The following MGMT variants were observed in gnomAD, a reference collection of about 807,000 sequenced individuals.
The protein encoded by MGMT is O-6-methylguanine-DNA methyltransferase, also known as methylated-DNA--protein-cysteine methyltransferase.
A neutral mutation model predicts 15.9 loss-of-function variants in MGMT; 14 were observed. That is an observed-to-expected ratio of 0.88 (90% CI 0.58 to 1.37). The LOEUF (loss-of-function observed/expected upper bound fraction) is 1.37. MGMT is among the 40% of genes most tolerant of loss of function. The pLI is 0.00. For missense variants in MGMT, 282 were observed against 268.1 expected, an observed-to-expected ratio of 1.05 and a Z score of -0.36; for synonymous variants, 130 against 118.2, an observed-to-expected ratio of 1.10 and a Z score of -0.65.
At chr10:129,569,177 C>T (rs576083770) in intron 2 of MGMT, among the ~76,000 whole-genome samples, 2 of 152,288 alleles carry the variant, frequency 1.3e-5, no homozygotes, top group South Asian at 2.1e-4. Context: ...TCTGCTAATG[C>T]GGCACTCTCA....
In MGMT at chr10:129,738,088, C is replaced by T. The variant is rs181805535; in HGVS notation, c.275-21114C>T. ...GAGCTGTGGTGGGCTCCACCCAGTTCGAGCTTCCCGGCTGCGTTGTTAACC... is the reference window on the plus strand; with the variant it reads ...GAGCTGTGGTGGGCTCCACCCAGTTTGAGCTTCCCGGCTGCGTTGTTAACC... On this transcript the variant is annotated intron_variant, in intron 3 of 4. Coordinates refer to ENST00000651593, the MANE Select transcript of MGMT (RefSeq NM_002412.5). Among the ~76,000 whole-genome samples, 160 of 152,362 alleles carry T rather than the reference C, an allele frequency of 1.1e-3. 1 individual carries two copies. The highest frequency in any genetic ancestry group is 3.7e-3 in the African/African-American group (153 of 41,594).
At chr10:129,697,332 G>A (rs78291713) in intron 2 of MGMT, among the ~76,000 whole-genome samples, 1 of 152,314 alleles carries the variant, frequency 6.6e-6, no homozygotes, top group African/African-American at 2.4e-5. Flanking sequence ...GTCATGATGA[G>A]GAGTGACCAC....
At chr10:129,481,940 GCTTA>G (rs1845362736) in intron 1 of MGMT, among the ~76,000 whole-genome samples, 2 of 151,990 alleles carry the variant, frequency 1.3e-5, no homozygotes, top group African/African-American at 2.4e-5. Context: ...GCTTTCTTGT[GCTTA>G]CTTTCAGTTT....
At chr10:129,724,080 G>T (rs1415128487) in intron 3 of MGMT, among the ~76,000 whole-genome samples, 1 of 152,196 alleles carries the variant, frequency 6.6e-6, no homozygotes, top group Admixed American at 6.5e-5. Flanking sequence ...AGTGTTCACA[G>T]CAGCTTTGCT....
intron 1 of MGMT, among the ~76,000 whole-genome samples, chr10:129,513,026 C>T (rs76909947): frequency 6.6e-6 from 1 of 152,214 alleles, no homozygotes; most frequent in African/African-American, 2.4e-5. Context: ...TGAACAGATA[C>T]ATTAAATGTG....
chr10:129,510,163 G>GAAA lies in MGMT; in HGVS notation c.-12-26077_-12-26075dup, dbSNP rs576554542. ...GCCAGGTGGGGGCATCTAAGGAAAG[G>GAAA]AAATGTTCATGGGATGCGCCACAGA... On this transcript the variant is annotated intron_variant, in intron 1 of 4. Transcript: ENST00000651593. 2.3e-4 allele frequency among the ~76,000 whole-genome samples: 35 copies of GAAA among 152,340 alleles called. 1 individual carries two copies. The South Asian group carries it at 6.8e-3, about 30-fold the overall frequency.
chr10:129,520,687 G>A (rs899729697), intron 1 of MGMT, among the ~76,000 whole-genome samples: 5 of 150,380 alleles, frequency 3.3e-5, no homozygotes, highest in Admixed American at 6.6e-5. Flanking sequence ...CCTACGGTGC[G>A]GGTACAGAAC....
In MGMT at chr10:129,737,553, T is replaced by C. The variant is rs1321897273; in HGVS notation, c.275-21649T>C. 9.8e-5 allele frequency among the ~76,000 whole-genome samples: 15 copies of C among 152,368 alleles called. No individual in the cohort carries two copies. The East Asian group carries it at 2.9e-3, about 29-fold the overall frequency. On this transcript the variant is annotated intron_variant, in intron 3 of 4. Coordinates refer to ENST00000651593, the MANE Select transcript of MGMT (RefSeq NM_002412.5). Reference sequence around the variant, plus strand: ...TCGTCTGAAGCCTTCTTCTCTCAACTCGTCAAAGTCATTCTCCATCCAGCT... The same window carrying C: ...TCGTCTGAAGCCTTCTTCTCTCAACCCGTCAAAGTCATTCTCCATCCAGCT...
At chr10:129,528,551 G>T (rs557057967) in intron 1 of MGMT, among the ~76,000 whole-genome samples, 184 of 152,150 alleles carry the variant, frequency 1.2e-3, no homozygotes, top group African/African-American at 4.2e-3. Flanking sequence ...ATGGGGTCAT[G>T]GGGGACTGAG....
chr10:129,757,309 G>A (rs1239782765), intron 3 of MGMT, among the ~76,000 whole-genome samples: 1 of 152,238 alleles, frequency 6.6e-6, no homozygotes, highest in African/African-American at 2.4e-5. Flanking sequence ...ATTTGTCAGA[G>A]CAGCACTCAA....
chr10:129,734,758 T>A (rs867004285), intron 3 of MGMT, among the ~76,000 whole-genome samples: 122 of 152,004 alleles, frequency 8.0e-4, no homozygotes, highest in Non-Finnish European at 1.4e-3. Flanking sequence ...TTATTGAGAG[T>A]TTTTAGCATG....
chr10:129,733,067 A>G (rs1848520524), intron 3 of MGMT, among the ~76,000 whole-genome samples: 1 of 150,698 alleles, frequency 6.6e-6, no homozygotes, highest in Non-Finnish European at 1.5e-5. Context: ...CTTTGGGTAT[A>G]TACCCAGTAA....
intron 3 of MGMT, among the ~76,000 whole-genome samples, chr10:129,731,285 C>T (rs138270889): frequency 5.3e-5 from 8 of 151,710 alleles, no homozygotes; most frequent in Admixed American, 2.0e-4. Context: ...AGATGATTGA[C>T]GACCCCAAAG....
intron 1 of MGMT, among the ~76,000 whole-genome samples, chr10:129,512,413 C>T (rs1845693801): frequency 6.6e-6 from 1 of 152,182 alleles, no homozygotes; most frequent in Non-Finnish European, 1.5e-5. Flanking sequence ...CAACTAATCT[C>T]ACCACCTGAG....
intron 3 of MGMT, among the ~76,000 whole-genome samples, chr10:129,713,259 C>G (rs1161726926): frequency 6.6e-6 from 1 of 152,140 alleles, no homozygotes; most frequent in Non-Finnish European, 1.5e-5. Context: ...CCTGGTGGAG[C>G]TGGAAGGTTT....
chr10:129,530,232 C>G (rs994039232), intron 1 of MGMT, among the ~76,000 whole-genome samples: 1 of 152,028 alleles, frequency 6.6e-6, no homozygotes, highest in Non-Finnish European at 1.5e-5. Flanking sequence ...GTTTTTTTCT[C>G]CTTGAAAAGT....
At chr10:129,715,862 C>T (rs1010904824) in intron 3 of MGMT, among the ~76,000 whole-genome samples, 1 of 152,162 alleles carries the variant, frequency 6.6e-6, no homozygotes, top group Admixed American at 6.5e-5. Flanking sequence ...TCCTTATGTT[C>T]AGGCTGACTC....
At chr10:129,550,375 A>T (rs1846143311) in intron 2 of MGMT, among the ~76,000 whole-genome samples, 1 of 147,900 alleles carries the variant, frequency 6.8e-6, no homozygotes, top group Admixed American at 6.6e-5. Context: ...ACCGCCACCC[A>T]GCACCGGAAT....
intron 2 of MGMT, among the ~76,000 whole-genome samples, chr10:129,548,707 A>G (rs1407676526): frequency 6.6e-6 from 1 of 152,044 alleles, no homozygotes; most frequent in African/African-American, 2.4e-5. Context: ...TGCTGGGGGC[A>G]GTGGGGAGAG....
Sources: allele counts gnomAD v4.1 joint callset (sites outside exome capture counted in the v4.1 genomes callset), GRCh38; gene constraint gnomAD v4.1.1; transcripts MANE v1.5; gene names NCBI Gene and HGNC (gene_info 2026-07-23, HGNC 2026-07-21).